Variants in TIAM2 observed in about 807,000 individuals in gnomAD.
TIAM2 encodes TIAM Rac1 associated GEF 2.
Under a neutral mutation model 152.9 loss-of-function variants are expected in TIAM2, and 80 were observed. The ratio of observed to expected loss-of-function variants is 0.52; its 90% confidence interval spans 0.44 to 0.63. The LOEUF is 0.63. Ranked by LOEUF, TIAM2 falls within the 30% of genes least tolerant of loss-of-function variation. The pLI is 0.00. For missense variants in TIAM2, 1,965 were observed against 2,120.1 expected (o/e 0.93, Z 1.44); for synonymous variants, 804 against 838.0 (o/e 0.96, Z 0.70).
chr6:155,243,846 C>CAAAAAA (rs59365890), intron 16 of TIAM2, among the ~76,000 whole-genome samples, 165 bp from the exon 17 acceptor site: 12 of 55,052 alleles, frequency 2.2e-4, no homozygotes, highest in Admixed American at 6.3e-4. Flanking sequence ...GACTCCGTCT[C>CAAAAAA]AAAAAAAAAA....
At chr6:155,004,998 C>A in intron 1 of TIAM2, 1 of 472,138 alleles carries the variant, frequency 2.1e-6, no homozygotes, top group Non-Finnish European at 3.3e-6. Flanking sequence ...AAGCCATTTG[C>A]CCCATGTGAA....
At chr6:155,105,472 T>G (rs576220488) in intron 2 of TIAM2, among the ~76,000 whole-genome samples, 63 of 152,228 alleles carry the variant, frequency 4.1e-4, no homozygotes, top group African/African-American at 1.5e-3. Context: ...TTATTTTTAC[T>G]TTTTGTAGAG....
At chr6:155,216,796 C>T (rs147688214) in intron 15 of TIAM2, 57 of 672,692 alleles carry the variant, frequency 8.5e-5, no homozygotes, top group African/African-American at 1.2e-4. Context: ...ATTGTCTCCA[C>T]GTCTGTGGTA....
chr6:155,241,511 T>C (rs1469225466), intron 16 of TIAM2, among the ~76,000 whole-genome samples: 1 of 152,174 alleles, frequency 6.6e-6, no homozygotes, highest in African/African-American at 2.4e-5. Flanking sequence ...CCCCCTTCTC[T>C]AAATGTCTTC....
intron 1 of TIAM2, among the ~76,000 whole-genome samples, chr6:155,051,550 C>T (rs1253360992): frequency 6.6e-6 from 1 of 152,086 alleles, no homozygotes; most frequent in Non-Finnish European, 1.5e-5. Context: ...CACCTGGTTC[C>T]AAAACCTTCA....
At chr6:155,011,209 G>A (rs548906051) in intron 1 of TIAM2, among the ~76,000 whole-genome samples, 67 of 152,238 alleles carry the variant, frequency 4.4e-4, no homozygotes, top group African/African-American at 1.6e-3. Context: ...GACTCTAGGG[G>A]TCTTTACAAC....
At chr6:155,240,446 CGGAGACA>C in intron 15 of TIAM2, 77 bp from the exon 16 acceptor site, 1 of 1,430,134 alleles carries the variant, frequency 7.0e-7, no homozygotes, top group East Asian at 2.3e-5. Context: ...TGAGCACAGA[CGGAGACA>C]CTTGGTGCCC....
chr6:155,132,687 C>T (rs780168344), intron 4 of TIAM2, among the ~76,000 whole-genome samples: 22 of 152,234 alleles, frequency 1.4e-4, no homozygotes, highest in Non-Finnish European at 1.0e-4. Flanking sequence ...AGGTGGACAA[C>T]GTCCACGCCT....
At chr6:155,030,101 G>A (rs1484699002) in intron 1 of TIAM2, among the ~76,000 whole-genome samples, 1 of 152,030 alleles carries the variant, frequency 6.6e-6, no homozygotes, top group Non-Finnish European at 1.5e-5. Flanking sequence ...GTTGTTCTTT[G>A]AAAGTTTCAT....
intron 21 of TIAM2, 175 bp from the exon 22 acceptor site, chr6:155,250,738 T>C: frequency 1.8e-6 from 2 of 1,139,972 alleles, no homozygotes; most frequent in Non-Finnish European, 2.5e-6. Flanking sequence ...ACTTGGGTGC[T>C]TAACTCATAT....
At chr6:155,045,364 A>T (rs1182227554) in intron 1 of TIAM2, among the ~76,000 whole-genome samples, 1 of 152,102 alleles carries the variant, frequency 6.6e-6, no homozygotes, top group Non-Finnish European at 1.5e-5. Flanking sequence ...GCCCGGCAGA[A>T]AGCCCTTTTT....
chr6:155,205,440 C>T (rs1345198838), intron 14 of TIAM2, among the ~76,000 whole-genome samples: 1 of 152,148 alleles, frequency 6.6e-6, no homozygotes, highest in Non-Finnish European at 1.5e-5. Flanking sequence ...CAGGAGGCCC[C>T]ATCCTGGCTG....
At chr6:155,215,760 A>G (rs906433190) in intron 15 of TIAM2, among the ~76,000 whole-genome samples, 2 of 143,592 alleles carry the variant, frequency 1.4e-5, no homozygotes, top group African/African-American at 5.1e-5. Flanking sequence ...ATCGTGTTAT[A>G]TCTAAAGCAA....
intron 12 of TIAM2, among the ~76,000 whole-genome samples, chr6:155,181,924 A>G (rs1032638667): frequency 6.6e-6 from 1 of 152,220 alleles, no homozygotes; most frequent in Non-Finnish European, 1.5e-5. Flanking sequence ...CCATCCGTCT[A>G]TTGACAGACA....
intron 15 of TIAM2, among the ~76,000 whole-genome samples, chr6:155,239,866 CGCTCTGCAGG>C (rs761588952): frequency 2.0e-5 from 3 of 152,222 alleles, no homozygotes; most frequent in Non-Finnish European, 4.4e-5. Context: ...CCTGCCTGTG[CGCTCTGCAGG>C]GCTCTGCACC....
intron 21 of TIAM2, 140 bp from the exon 22 acceptor site, chr6:155,250,773 C>A: frequency 4.5e-6 from 5 of 1,111,494 alleles, no homozygotes; most frequent in East Asian, 2.5e-5. Context: ...CCGTTTAAGG[C>A]CCCATGTTTA....
chr6:155,235,877 G>A (rs957577727), intron 15 of TIAM2, among the ~76,000 whole-genome samples: 1 of 152,168 alleles, frequency 6.6e-6, no homozygotes, highest in African/African-American at 2.4e-5. Flanking sequence ...CTTTAACACT[G>A]CATTGTTAGG....
At chr6:155,111,566 C>T (rs1475199676) in intron 2 of TIAM2, among the ~76,000 whole-genome samples, 1 of 152,124 alleles carries the variant, frequency 6.6e-6, no homozygotes, top group Non-Finnish European at 1.5e-5. Flanking sequence ...TATCCTGACA[C>T]CCTACTGCAT....
intron 1 of TIAM2, among the ~76,000 whole-genome samples, chr6:155,066,247 C>G (rs78132569): frequency 0.038 from 3,412 of 90,088 alleles, 131 homozygotes; most frequent in African/African-American, 0.12. Context: ...TTTTTGAAGC[C>G]TCCACTTCCA....
Sources: gnomAD v4.1 joint callset for allele counts (sites outside exome capture counted in the v4.1 genomes callset) on GRCh38, gnomAD v4.1.1 for gene constraint, MANE v1.5 for transcripts, NCBI Gene and HGNC (gene_info 2026-07-23, HGNC 2026-07-21) for gene names.